Variants in PPP1R12A observed in about 807,000 individuals in gnomAD.
PPP1R12A encodes myosin binding subunit.
Under a neutral mutation model 139.6 loss-of-function variants are expected in PPP1R12A, and 19 were observed. That is an observed-to-expected ratio of 0.14 (90% CI 0.09 to 0.20). PPP1R12A has a LOEUF of 0.20. Among genes scored for constraint, PPP1R12A ranks in the 10% least tolerant of loss-of-function variants. PPP1R12A has a pLI of 1.00. For missense variants in PPP1R12A, 925 were observed against 1,211.5 expected, an observed-to-expected ratio of 0.76 and a Z score of 3.51; for synonymous variants, 427 against 420.6, an observed-to-expected ratio of 1.02 and a Z score of -0.19.
At chr12:79,916,146 G>T (rs1377692257) in intron 1 of PPP1R12A, among the ~76,000 whole-genome samples, 1 of 100,766 alleles carries the variant, frequency 9.9e-6, no homozygotes, top group Non-Finnish European at 1.7e-5. Context: ...TTAAACAAAT[G>T]TACCTATAAA....
At chr12:79,789,756 G>C in intron 20 of PPP1R12A, 3 of 396,230 alleles carry the variant, frequency 7.6e-6, no homozygotes, top group South Asian at 5.5e-5. Context: ...TGAAAAGATG[G>C]ATAATTTTGA....
At chr12:79,911,602 G>GC (rs1886570970) in intron 1 of PPP1R12A, among the ~76,000 whole-genome samples, 1 of 150,776 alleles carries the variant, frequency 6.6e-6, no homozygotes, top group African/African-American at 2.4e-5. Context: ...GAAATAAAAG[G>GC]TTTTTTTTTA....
chr12:79,890,743 G>A (rs746111149), intron 1 of PPP1R12A, among the ~76,000 whole-genome samples: 1 of 151,976 alleles, frequency 6.6e-6, no homozygotes, highest in African/African-American at 2.4e-5. Context: ...TTAAAAGAGA[G>A]CCAAACCTTG....
chr12:79,812,140 G>A (rs1874615851), intron 9 of PPP1R12A, among the ~76,000 whole-genome samples: 1 of 152,000 alleles, frequency 6.6e-6, no homozygotes, highest in African/African-American at 2.4e-5. Flanking sequence ...TTTTGAAATG[G>A]GCATTTGTTA....
chr12:79,823,092 T>G (rs557580139), intron 5 of PPP1R12A, among the ~76,000 whole-genome samples: 1 of 152,118 alleles, frequency 6.6e-6, no homozygotes, highest in African/African-American at 2.4e-5. Flanking sequence ...CATGAACATA[T>G]GTCAATCCAT....
intron 21 of PPP1R12A, chr12:79,787,428 T>C (rs1871258099): frequency 1.3e-5 from 2 of 152,252 alleles, no homozygotes; most frequent in South Asian, 4.1e-4. Flanking sequence ...CTATTTGGAA[T>C]AATTTTCTCA....
chr12:79,897,794 C>T (rs1885267956), intron 1 of PPP1R12A, among the ~76,000 whole-genome samples: 1 of 152,194 alleles, frequency 6.6e-6, no homozygotes, highest in African/African-American at 2.4e-5. Context: ...CATTCCAACT[C>T]TTCCAGTCTA....
chr12:79,788,585 T>C (rs543391269), intron 21 of PPP1R12A, 63 bp downstream of exon 21: 1 of 1,406,654 alleles, frequency 7.1e-7, no homozygotes, highest in African/African-American at 1.5e-5. Context: ...AAAATAATAT[T>C]TGAATGAGTA....
chr12:79,797,340 G>A lies in PPP1R12A; in HGVS notation c.2147C>T (p.Ser716Phe), dbSNP rs1029699075. The change falls in exon 16 of 25, where the codon TCT becomes TTT. Residue 716 changes from serine (S) to phenylalanine (F), a missense_variant. Coordinates refer to ENST00000450142, the MANE Select transcript of PPP1R12A (RefSeq NM_002480.3). ...EAEKTIGRSRSTRTREQENEE... is the reference protein window; with the variant it reads ...EAEKTIGRSRFTRTREQENEE... ...ATTTTCTTGTTCTCTGGTTCGGGTA[G>A]AACGACTTCTTCCTATTGTTTTCTC... The A allele has an allele frequency of 6.2e-7, 1 of 1,602,668 alleles. No homozygotes were observed. The highest frequency in any genetic ancestry group is 1.1e-5 in the South Asian group (1 of 89,028).
intron 1 of PPP1R12A, among the ~76,000 whole-genome samples, chr12:79,924,433 T>C (rs1887676818): frequency 1.3e-5 from 2 of 152,120 alleles, no homozygotes; most frequent in Admixed American, 1.3e-4. Flanking sequence ...CATCACAACC[T>C]TTTTTTAAAA....
intron 1 of PPP1R12A, among the ~76,000 whole-genome samples, chr12:79,888,908 T>A (rs539969652): frequency 3.3e-5 from 5 of 152,216 alleles, no homozygotes; most frequent in African/African-American, 4.8e-5. Context: ...TGGTTCTATC[T>A]ATCAAAATTC....
intron 1 of PPP1R12A, among the ~76,000 whole-genome samples, chr12:79,887,828 T>C (rs986661760): frequency 6.6e-6 from 1 of 152,178 alleles, no homozygotes; most frequent in Non-Finnish European, 1.5e-5. Context: ...TGTTGCAATG[T>C]CTAATGAAAA....
intron 22 of PPP1R12A, among the ~76,000 whole-genome samples, chr12:79,784,601 C>T (rs1870881006): frequency 6.6e-6 from 1 of 152,102 alleles, no homozygotes. Context: ...AGCTGAGTCA[C>T]CATGACAGAA....
At chr12:79,811,241 G>A (rs544726182) in intron 9 of PPP1R12A, among the ~76,000 whole-genome samples, 1 of 152,264 alleles carries the variant, frequency 6.6e-6, no homozygotes, top group South Asian at 2.1e-4. Context: ...TGATGCTTGA[G>A]GGCCACTTCA....
chr12:79,923,477 A>C (rs184205925), intron 1 of PPP1R12A, among the ~76,000 whole-genome samples: 13 of 152,326 alleles, frequency 8.5e-5, no homozygotes, highest in Non-Finnish European at 1.6e-4. Context: ...ATGTTTCTTA[A>C]AATACATAAT....
Position 79,808,580 on chromosome 12 carries a change from A to G in PPP1R12A, c.1456-3T>C, listed in dbSNP as rs770288482. On this transcript the variant is annotated splice_polypyrimidine_tract_variant and splice_region_variant and intron_variant, in intron 10 of 24. Transcript: ENST00000450142. ...CTAGTTCCTTTACTATCTTTCTCCT[A>G]CACAACAGGGAAAAAAATAAGTAAA... The G allele has an allele frequency of 1.3e-6, 2 of 1,572,478 alleles. No homozygotes were observed. Among genetic ancestry groups the G allele is most frequent in the South Asian group, 1.1e-5 (1 of 87,944 alleles).
At chr12:79,857,689 A>G (rs1034582460) in intron 2 of PPP1R12A, among the ~76,000 whole-genome samples, 34 of 152,200 alleles carry the variant, frequency 2.2e-4, no homozygotes, top group Non-Finnish European at 4.4e-5. Context: ...AGAGTTCCTT[A>G]TATACTGGTC....
intron 1 of PPP1R12A, among the ~76,000 whole-genome samples, chr12:79,899,509 T>G (rs1409859336): frequency 6.6e-6 from 1 of 152,130 alleles, no homozygotes; most frequent in African/African-American, 2.4e-5. Context: ...TGTGAAAGGC[T>G]TCTTTTAGCA....
chr12:79,935,201 G>C, upstream of PPP1R12A: 1 of 1,314,786 alleles, frequency 7.6e-7, no homozygotes, highest in Non-Finnish European at 9.7e-7. Flanking sequence ...GTAACTTCGC[G>C]AGATCCGGAC....
Sources: allele counts gnomAD v4.1 joint callset (sites outside exome capture counted in the v4.1 genomes callset), GRCh38; gene constraint gnomAD v4.1.1; transcripts MANE v1.5; gene names NCBI Gene and HGNC (gene_info 2026-07-23, HGNC 2026-07-21).